Variants in RFC3 observed in about 807,000 individuals in gnomAD.
The protein encoded by RFC3 is replication factor C subunit 3.
A neutral mutation model predicts 45.1 loss-of-function variants in RFC3; 41 were observed. The observed-to-expected ratio is 0.91, with a 90% CI of 0.71 to 1.18. The LOEUF is 1.18. RFC3 is among the 50% of genes most tolerant of loss of function. The pLI, the probability that RFC3 is intolerant of heterozygous loss-of-function variation, is 0.00. For missense variants in RFC3, 423 were observed against 428.1 expected (o/e 0.99, Z 0.10); for synonymous variants, 149 against 144.0 (o/e 1.03, Z -0.25).
the RFC3 span, among the ~76,000 whole-genome samples, chr13:33,976,957 G>A: frequency 6.6e-6 from 1 of 152,126 alleles, no homozygotes; most frequent in Non-Finnish European, 1.5e-5. Context: ...CAATAGTGAT[G>A]AGTCCTGTTG....
chr13:33,874,014 C>T (rs1016232007), intron 8 of RFC3, among the ~76,000 whole-genome samples: 1 of 152,098 alleles, frequency 6.6e-6, no homozygotes, highest in East Asian at 1.9e-4. Context: ...ATTCTAATCT[C>T]TCTATAAAAC....
intron 8 of RFC3, among the ~76,000 whole-genome samples, chr13:33,904,060 T>C (rs2082657548): frequency 6.6e-6 from 1 of 152,104 alleles, no homozygotes; most frequent in African/African-American, 2.4e-5. Context: ...TTAAAATACT[T>C]ATTTCTGAAA....
chr13:33,932,857 A>G (rs1372089668), intron 8 of RFC3, among the ~76,000 whole-genome samples: 1 of 152,190 alleles, frequency 6.6e-6, no homozygotes, highest in East Asian at 1.9e-4. Flanking sequence ...ACATTGTGAC[A>G]ACAACGACTG....
chr13:33,928,328 C>T (rs77426038), intron 8 of RFC3, among the ~76,000 whole-genome samples: 3,415 of 152,128 alleles, frequency 0.022, 121 homozygotes, highest in African/African-American at 0.075. Context: ...TATGTATTTA[C>T]GCAGTTATAT....
At chr13:33,957,002 ACTAT>A (rs1566042211) in intron 8 of RFC3, among the ~76,000 whole-genome samples, 1 of 152,050 alleles carries the variant, frequency 6.6e-6, no homozygotes, top group African/African-American at 2.4e-5. Context: ...TTATCTACCT[ACTAT>A]CTATTATCTA....
intron 8 of RFC3, among the ~76,000 whole-genome samples, chr13:33,891,233 C>A (rs2082561639): frequency 6.6e-6 from 1 of 151,930 alleles, no homozygotes; most frequent in South Asian, 2.1e-4. Context: ...ATTATGCCCT[C>A]AAAATGCTGG....
At chr13:33,843,291 G>C (rs1044703822) in intron 8 of RFC3, among the ~76,000 whole-genome samples, 1 of 151,602 alleles carries the variant, frequency 6.6e-6, no homozygotes, top group Non-Finnish European at 1.5e-5. Context: ...TAGTGTACAA[G>C]ATTTACAATA....
Position 33,836,201 on chromosome 13 carries a change from G to T in RFC3, c.977G>T (p.Ser326Ile), listed in dbSNP as rs781366321. The T allele has an allele frequency of 3.1e-6, 5 of 1,613,518 alleles. No individual in the cohort carries two copies. Among genetic ancestry groups the T allele is most frequent in the Middle Eastern group, 1.7e-4 (1 of 6,060 alleles). The change falls in exon 9 of 9, where the codon AGC becomes ATC. Residue 326 changes from serine (S) to isoleucine (I), a missense_variant. Transcript: ENST00000380071. ...AYYEHRLQLG[S>I]KAIYHLEAFV... ...TATGAGCATCGTCTACAGCTGGGTA[G>T]CAAAGCCATTTATCACTTGGAAGCG... is the stretch of plus-strand genomic sequence containing the variant.
rs878903532 is a variant in RFC3, at chr13:33,836,403, GT to G, written c.*115del. The G allele has an allele frequency of 1.3e-6, 2 of 1,493,290 alleles. No individual in the cohort carries two copies. The highest frequency in any genetic ancestry group is 1.8e-6 in the Non-Finnish European group (2 of 1,125,614). 92.5% of individuals were successfully genotyped at this position (1,493,290 alleles called of 1,614,324 possible). On this transcript the variant is annotated 3_prime_UTR_variant, in exon 9 of 9. Coordinates refer to ENST00000380071, the MANE Select transcript of RFC3 (RefSeq NM_002915.4). ...CTGAACTTAATCATGTCGTATTTGCGTTTTTTTGGTAATAACTTCTCTGTGA... is the reference window on the plus strand; with the variant it reads ...CTGAACTTAATCATGTCGTATTTGCGTTTTTTGGTAATAACTTCTCTGTGA...
chr13:33,851,774 G>A (rs538224957), intron 8 of RFC3, among the ~76,000 whole-genome samples: 3 of 152,256 alleles, frequency 2.0e-5, no homozygotes, highest in African/African-American at 7.2e-5. Flanking sequence ...ACACACATAT[G>A]ATCCAATTCA....
chr13:33,831,140 C>G (rs1182770254), intron 6 of RFC3, 116 bp from the exon 7 acceptor site: 14 of 674,182 alleles, frequency 2.1e-5, no homozygotes, highest in Non-Finnish European at 3.4e-5. Flanking sequence ...CTATCCGCTG[C>G]TCACTCCTGC....
rs1041958540 is a variant in RFC3 at position 33,880,460 on chromosome 13, C to CT, written c.879+45244dup. Among the ~76,000 whole-genome samples, 105 of 152,226 alleles carry CT rather than the reference C, an allele frequency of 6.9e-4. 1 individual carries two copies. The highest frequency in any genetic ancestry group is 2.4e-3 in the African/African-American group (100 of 41,546). Reference sequence around the variant, plus strand: ...TCATTGTGGGTTGCTCTAGGCAAGACTATTCCATATAACTTTCTGAGATGA... The same window carrying CT: ...TCATTGTGGGTTGCTCTAGGCAAGACTTATTCCATATAACTTTCTGAGATGA... On this transcript the variant is annotated intron_variant, in intron 8 of 8. Transcript: ENST00000434425.
chr13:33,959,350 A>G (rs2083041811), intron 8 of RFC3, among the ~76,000 whole-genome samples: 1 of 152,110 alleles, frequency 6.6e-6, no homozygotes, highest in South Asian at 2.1e-4. Flanking sequence ...TTACCTCTCC[A>G]CACGTCAACA....
chr13:33,865,401 TTGAG>T (rs1056145074), intron 8 of RFC3, among the ~76,000 whole-genome samples: 144 of 152,184 alleles, frequency 9.5e-4, no homozygotes, highest in African/African-American at 3.4e-3. Flanking sequence ...AATGCATGGA[TTGAG>T]TGTGTGTGAT....
chr13:33,936,818 A>G (rs186564561), intron 8 of RFC3, among the ~76,000 whole-genome samples: 47 of 152,302 alleles, frequency 3.1e-4, no homozygotes, highest in Admixed American at 1.1e-3. Flanking sequence ...TATGGCACCC[A>G]TAAAGAATGA....
At chr13:33,949,457 G>A (rs1040722347) in intron 8 of RFC3, among the ~76,000 whole-genome samples, 8 of 152,070 alleles carry the variant, frequency 5.3e-5, no homozygotes, top group South Asian at 2.1e-4. Context: ...TATCATTTAC[G>A]TTAAGCACCG....
At chr13:33,943,747 G>T (rs980722405) in intron 8 of RFC3, among the ~76,000 whole-genome samples, 3 of 152,154 alleles carry the variant, frequency 2.0e-5, no homozygotes, top group African/African-American at 7.2e-5. Context: ...TGGGGGGCTT[G>T]CTTCTTTTTT....
intron 8 of RFC3, among the ~76,000 whole-genome samples, chr13:33,956,190 A>G (rs1411224669): frequency 1.3e-5 from 2 of 152,246 alleles, no homozygotes; most frequent in Non-Finnish European, 2.9e-5. Flanking sequence ...CAAAATAAAG[A>G]GAAAAGATTA....
chr13:33,818,324 C>T, intron 1 of RFC3, 59 bp downstream of exon 1: 4 of 1,443,798 alleles, frequency 2.8e-6, no homozygotes, highest in Non-Finnish European at 3.9e-6. Context: ...CGGGGTTTCG[C>T]GCCCCCCTGA....
Sources: gnomAD v4.1 joint callset for allele counts (sites outside exome capture counted in the v4.1 genomes callset) on GRCh38, gnomAD v4.1.1 for gene constraint, MANE v1.5 for transcripts, NCBI Gene and HGNC (gene_info 2026-07-23, HGNC 2026-07-21) for gene names.